CLCN6: variants seen among roughly 807,000 people sequenced by gnomAD.
CLCN6 encodes the protein Cl-/H+ antiporter 6, also known as H(+)/Cl(-) exchange transporter 6.
A neutral mutation model predicts 109.8 loss-of-function variants in CLCN6; 70 were observed. The ratio of observed to expected loss-of-function variants is 0.64; its 90% CI spans 0.53 to 0.78. The LOEUF is 0.78. Among genes scored for constraint, CLCN6 ranks in the 30% least tolerant of loss-of-function variants. The probability of loss-of-function intolerance (pLI) is 0.00; values close to 1 mark genes in which losing one functional copy is unlikely to be tolerated. For missense variants in CLCN6, 984 were observed against 1,142.3 expected (o/e 0.86, Z 2.00); for synonymous variants, 444 against 447.8 (o/e 0.99, Z 0.11).
At chr1:11,807,247 A>G in intron 2 of CLCN6, 57 bp downstream of exon 2, 2 of 1,469,862 alleles carry the variant, frequency 1.4e-6, no homozygotes, top group Admixed American at 3.4e-5. Flanking sequence ...TGGTCACTTC[A>G]GGCCGAAGCA....
intron 1 of CLCN6, 113 bp downstream of exon 1, chr1:11,806,462 G>C (rs556168899): frequency 1.0e-6 from 1 of 961,674 alleles, no homozygotes; most frequent in East Asian, 3.3e-5. Context: ...AGCGGGTGGG[G>C]CCTGGGGACC....
At position 11,841,338 on chromosome 1, in the gene CLCN6, C is replaced by T. The variant is rs541399545; in HGVS notation, c.*1115C>T. 9.8e-5 allele frequency: 15 copies of T among 152,740 alleles called. No individual in the cohort carries two copies. Among genetic ancestry groups the T allele is most frequent in the African/African-American group, 3.1e-4 (13 of 41,586 alleles). The allele number at this position is 152,740 out of a possible 1,614,324, so 9.5% of individuals were successfully genotyped here. On this transcript the variant is annotated 3_prime_UTR_variant, in exon 23 of 23. Coordinates refer to ENST00000346436, the MANE Select transcript of CLCN6 (RefSeq NM_001286.5). ...GGCCCTTCAGGAGGGCCTCCTGTGC[C>T]GCAGGGAGGGTGCGTGGGGAAGATG...
rs1644787889 is a variant in CLCN6, at chr1:11,824,558, G to C, written c.648+5G>C. ...GTGGGAGCTGGCCTCCCTCAGGTAA[G>C]ATGGGCTGAGAGGGTGTGGGCCTCT... On this transcript the variant is annotated splice_donor_5th_base_variant and intron_variant, in intron 8 of 22. Transcript: ENST00000346436. 6.2e-7 allele frequency: 1 copy of C among 1,613,284 alleles called. No individual in the cohort carries two copies. The highest frequency in any genetic ancestry group is 1.7e-5 in the Admixed American group (1 of 59,992).
At chr1:11,830,074 C>G (rs1644860976) in intron 13 of CLCN6, 1 of 152,210 alleles carries the variant, frequency 6.6e-6, no homozygotes, top group Non-Finnish European at 1.5e-5. Context: ...GTGCGCCACC[C>G]TCCTGCACTC....
At chr1:11,812,664 TTGTGTGTGTGTGTGTGTGTG>T (rs61487985) in intron 2 of CLCN6, among the ~76,000 whole-genome samples, 1 of 127,020 alleles carries the variant, frequency 7.9e-6, no homozygotes, top group Admixed American at 8.0e-5. Flanking sequence ...CAAAGTATGT[TTGTGTGTGTGTGTGTGTGTG>T]TGTGTGTGTG....
chr1:11,812,199 G>A (rs1477793196), intron 2 of CLCN6, among the ~76,000 whole-genome samples: 1 of 152,146 alleles, frequency 6.6e-6, no homozygotes, highest in East Asian at 1.9e-4. Context: ...CCTTGAGTTT[G>A]GTTAACTTGC....
chr1:11,815,312 C>T (rs1219057751), intron 2 of CLCN6, among the ~76,000 whole-genome samples: 1 of 152,144 alleles, frequency 6.6e-6, no homozygotes, highest in African/African-American at 2.4e-5. Flanking sequence ...GAAGTATGAA[C>T]CTAAAGCAAC....
intron 13 of CLCN6, among the ~76,000 whole-genome samples, chr1:11,829,665 C>A (rs61064059): frequency 6.9e-4 from 89 of 128,934 alleles, no homozygotes; most frequent in African/African-American, 2.7e-3. Flanking sequence ...TGGGAACAAC[C>A]CTGGCGTCAC....
chr1:11,827,108 T>G lies in CLCN6; in HGVS notation c.727T>G (p.Ser243Ala). The G allele has an allele frequency of 6.2e-7, 1 of 1,613,906 alleles. No individual in the cohort carries two copies. Among genetic ancestry groups the G allele is most frequent in the Non-Finnish European group, 8.5e-7 (1 of 1,179,896 alleles). The change falls in exon 10 of 23, where the codon TCA (serine) becomes GCA (alanine). Residue 243 changes from serine (S) to alanine (A), a missense_variant. Ser to Ala is a moderately conservative substitution (Grantham distance 99). Transcript: ENST00000346436. Reference sequence around the variant, plus strand: ...CCTCAGAGACAAGAGAGACTTTGTATCAGCAGGAGCGGCTGCTGGAGTTGC... The same window carrying G: ...CCTCAGAGACAAGAGAGACTTTGTAGCAGCAGGAGCGGCTGCTGGAGTTGC... Reference protein sequence around the residue: ...RSDRDKRDFVSAGAAAGVAAA... With the variant: ...RSDRDKRDFVAAGAAAGVAAA...
At chr1:11,806,704 T>A (rs1292688739) in intron 1 of CLCN6, 1 of 355,360 alleles carries the variant, frequency 2.8e-6, no homozygotes, top group African/African-American at 2.1e-5. Flanking sequence ...TCTCCAGTCC[T>A]TTCTCACTCT....
chr1:11,839,330 C>T (rs746493637), intron 22 of CLCN6, among the ~76,000 whole-genome samples: 1 of 152,140 alleles, frequency 6.6e-6, no homozygotes, highest in Non-Finnish European at 1.5e-5. Flanking sequence ...GGCAAGATCT[C>T]GGCTCACTGC....
chr1:11,828,104 A>G lies in CLCN6; in HGVS notation c.841-2A>G. Reference sequence around the variant, plus strand: ...TCTTGTCTTTTGTCACCTCTCCCCTAGCTCTTTTGTTCCATGTCTGCCACC... The same window carrying G: ...TCTTGTCTTTTGTCACCTCTCCCCTGGCTCTTTTGTTCCATGTCTGCCACC... On this transcript the variant is annotated splice_acceptor_variant, in intron 10 of 22. Transcript: ENST00000346436. LOFTEE classifies it high-confidence loss of function. 1 of 1,610,734 alleles carries G rather than the reference A, an allele frequency of 6.2e-7. No individual in the cohort carries two copies. The highest frequency in any genetic ancestry group is 8.5e-7 in the Non-Finnish European group (1 of 1,176,988).
intron 13 of CLCN6, among the ~76,000 whole-genome samples, chr1:11,832,713 A>T (rs1389492514): frequency 6.6e-6 from 1 of 152,240 alleles, no homozygotes; most frequent in Non-Finnish European, 1.5e-5. Flanking sequence ...CTTTGTAATA[A>T]GACTCCCTAT....
chr1:11,820,021 T>C (rs1167055523), intron 5 of CLCN6, among the ~76,000 whole-genome samples: 1 of 152,210 alleles, frequency 6.6e-6, no homozygotes, highest in Admixed American at 6.5e-5. Flanking sequence ...GTCATTGAAA[T>C]TGGTCATATT....
intron 2 of CLCN6, among the ~76,000 whole-genome samples, chr1:11,814,211 C>T (rs995521243): frequency 6.7e-6 from 1 of 149,924 alleles, no homozygotes; most frequent in African/African-American, 2.4e-5. Context: ...AGCTGATGGC[C>T]GACCATTATT....
At position 11,814,990 on chromosome 1, in the gene CLCN6, G is replaced by A. The variant is rs575013859; in HGVS notation, c.148-856G>A. ...GGAGCTTGCAGTGAGCTGAGATTGCGCCACTGCACTCCAGCCTGGGCGACA... is the reference window on the plus strand; with the variant it reads ...GGAGCTTGCAGTGAGCTGAGATTGCACCACTGCACTCCAGCCTGGGCGACA... On this transcript the variant is annotated intron_variant, in intron 2 of 22. Transcript: ENST00000346436. 1.0e-3 allele frequency among the ~76,000 whole-genome samples: 155 copies of A among 148,432 alleles called. 1 individual carries two copies. The highest frequency in any genetic ancestry group is 3.6e-3 in the African/African-American group (144 of 40,162).
intron 20 of CLCN6, among the ~76,000 whole-genome samples, chr1:11,837,759 C>A (rs1400444445): frequency 6.6e-6 from 1 of 152,178 alleles, no homozygotes; most frequent in Non-Finnish European, 1.5e-5. Context: ...GTCCTTGCCC[C>A]TTCCTAGCTC....
intron 3 of CLCN6, 111 bp from the exon 4 acceptor site, chr1:11,816,504 G>T: frequency 1.1e-6 from 1 of 930,426 alleles, no homozygotes; most frequent in Non-Finnish European, 1.7e-6. Context: ...CATCTTTACT[G>T]TGCCTGCTCT....
intron 19 of CLCN6, 21 bp downstream of exon 19, chr1:11,837,177 C>A: frequency 7.4e-6 from 12 of 1,610,850 alleles, no homozygotes; most frequent in Non-Finnish European, 1.0e-5. Flanking sequence ...GGCGGGGCCC[C>A]CACTGCCCGC....
Sources: allele counts gnomAD v4.1 joint callset (sites outside exome capture counted in the v4.1 genomes callset), GRCh38; gene constraint gnomAD v4.1.1; transcripts MANE v1.5; gene names NCBI Gene and HGNC (gene_info 2026-07-23, HGNC 2026-07-21).